CNTNAP3B: variants seen among roughly 807,000 people sequenced by gnomAD.
CNTNAP3B encodes the protein contactin associated protein family member 3B.
CNTNAP3B carries 25 observed loss-of-function variants against 108.9 expected under a neutral mutation model. The ratio of observed to expected loss-of-function variants is 0.23; its 90% CI spans 0.17 to 0.32. CNTNAP3B has a LOEUF of 0.32. Among genes scored for constraint, CNTNAP3B ranks in the 10% least tolerant of loss-of-function variants. CNTNAP3B has a pLI of 1.00. For missense variants in CNTNAP3B, 252 were observed against 1,210.4 expected (o/e 0.21, Z 11.75); for synonymous variants, 103 against 473.4 (o/e 0.22, Z 10.16).
At chr9:41,935,262 G>A (rs1223204879) in intron 14 of CNTNAP3B, among the ~76,000 whole-genome samples, 5 of 152,296 alleles carry the variant, frequency 3.3e-5, no homozygotes, top group East Asian at 1.9e-4. Flanking sequence ...ATGCTTAGAC[G>A]AGTTGCTGAT....
intron 9 of CNTNAP3B, among the ~76,000 whole-genome samples, chr9:41,982,172 T>C (rs1825642200): frequency 1.3e-5 from 1 of 77,212 alleles, no homozygotes; most frequent in Admixed American, 1.5e-4. Flanking sequence ...AAAAATTTCA[T>C]GACAAAGACA....
At chr9:41,959,499 T>C (rs565769184) in intron 12 of CNTNAP3B, among the ~76,000 whole-genome samples, 2 of 152,412 alleles carry the variant, frequency 1.3e-5, no homozygotes, top group Non-Finnish European at 2.9e-5. Flanking sequence ...CTTAAAATGA[T>C]GACAACCAAG....
intron 13 of CNTNAP3B, among the ~76,000 whole-genome samples, chr9:41,943,604 G>C (rs1188414890): frequency 1.3e-5 from 2 of 150,810 alleles, no homozygotes; most frequent in African/African-American, 4.9e-5. Context: ...CGCCCGCCTC[G>C]GCCTCCCAAA....
chr9:42,111,331 T>C (rs894127854), intron 1 of CNTNAP3B, among the ~76,000 whole-genome samples: 6 of 139,412 alleles, frequency 4.3e-5, no homozygotes, highest in Admixed American at 7.1e-5. Context: ...GTTCTGGGGA[T>C]ATAACCATAA....
At position 41,931,876 on chromosome 9, in the gene CNTNAP3B, T is replaced by C. The variant is rs1219523935; in HGVS notation, c.2238-2432A>G. Among the ~76,000 whole-genome samples the C allele has an allele frequency of 4.0e-5, 6 of 149,670 alleles. No homozygotes were observed. The East Asian group carries it at 9.7e-4, about 24-fold the overall frequency. On this transcript the variant is annotated intron_variant, in intron 14 of 23. Coordinates refer to ENST00000377561, the MANE Select transcript of CNTNAP3B (RefSeq NM_001201380.3). Reference sequence around the variant, plus strand: ...GATGCTTGTATTTTAAAAGATCTATTTCACGGGAGCTCCAAGTTTCATTCC... The same window carrying C: ...GATGCTTGTATTTTAAAAGATCTATCTCACGGGAGCTCCAAGTTTCATTCC...
chr9:42,127,028 C>G (rs527749969), intron 1 of CNTNAP3B, among the ~76,000 whole-genome samples: 1 of 138,756 alleles, frequency 7.2e-6, no homozygotes, highest in Non-Finnish European at 1.5e-5. Flanking sequence ...TGACTTTCTT[C>G]TTGGTATTGA....
chr9:42,049,212 TG>T (rs1826929436), intron 3 of CNTNAP3B, among the ~76,000 whole-genome samples: 2 of 133,324 alleles, frequency 1.5e-5, no homozygotes, highest in South Asian at 5.0e-4. Flanking sequence ...CCACCTGGGA[TG>T]GGGGCACCAT....
chr9:41,934,130 C>CACACAT lies in CNTNAP3B; in HGVS notation c.2237+4113_2237+4114insATGTGT, dbSNP rs1491259532. Among the ~76,000 whole-genome samples, 35 of 116,464 alleles carry CACACAT rather than the reference C, an allele frequency of 3.0e-4. 1 individual carries two copies. The highest frequency in any genetic ancestry group is 1.1e-3 in the East Asian group (5 of 4,590). The allele number at this position is 116,464 out of a possible 152,430, so 76.4% of individuals were successfully genotyped here. A position where few individuals can be genotyped will look rare whatever the true frequency, so the allele number is the denominator to read the frequency against. On this transcript the variant is annotated intron_variant, in intron 14 of 23. Coordinates refer to ENST00000377561, the MANE Select transcript of CNTNAP3B (RefSeq NM_001201380.3). ...ATATATATATATATATATACACACA[C>CACACAT]ATATATATATACACACACATATATA...
At chr9:42,111,805 A>T (rs1398103214) in intron 1 of CNTNAP3B, among the ~76,000 whole-genome samples, 1 of 137,996 alleles carries the variant, frequency 7.2e-6, no homozygotes, top group Admixed American at 7.2e-5. Context: ...CATGATCATC[A>T]TCTCACTGTA....
chr9:41,921,178 C>T (rs1312516554), intron 17 of CNTNAP3B, among the ~76,000 whole-genome samples: 9 of 152,286 alleles, frequency 5.9e-5, no homozygotes, highest in Admixed American at 5.9e-4. Context: ...TCATCCACCG[C>T]AATGAATGCT....
At chr9:41,937,114 T>TTATTATTATTA (rs1554739561) in intron 14 of CNTNAP3B, among the ~76,000 whole-genome samples, 2,283 of 140,854 alleles carry the variant, frequency 0.016, 22 homozygotes, top group Non-Finnish European at 0.019. Context: ...TATTTATTAA[T>TTATTATTATTA]TTATTATTAT....
intron 11 of CNTNAP3B, among the ~76,000 whole-genome samples, chr9:41,961,521 A>G (rs1587150631): frequency 6.6e-6 from 1 of 152,198 alleles, no homozygotes; most frequent in African/African-American, 2.4e-5. Flanking sequence ...AGCACATTAA[A>G]AGGCCTAAAT....
Position 42,115,433 on chromosome 9 carries a change from C to A in CNTNAP3B, c.86-10694G>T, listed in dbSNP as rs62558083. Among the ~76,000 whole-genome samples, 2 of 138,630 alleles carry A rather than the reference C, an allele frequency of 1.4e-5. 1 individual carries two copies. Among genetic ancestry groups the A allele is most frequent in the Non-Finnish European group, 3.1e-5 (2 of 64,766 alleles). 90.9% of individuals were successfully genotyped at this position (138,630 alleles called of 152,430 possible). On this transcript the variant is annotated intron_variant, in intron 1 of 23. Coordinates refer to ENST00000377561, the MANE Select transcript of CNTNAP3B (RefSeq NM_001201380.3). ...TGCCTCCTTAAGTGGGTCCCTGACC[C>A]CTGCGTAGCCTAACTGGGAGACAAC...
chr9:41,944,724 T>C (rs1587130740), intron 13 of CNTNAP3B, among the ~76,000 whole-genome samples: 1 of 152,278 alleles, frequency 6.6e-6, no homozygotes, highest in Admixed American at 6.5e-5. Context: ...AGTCTAAATA[T>C]ACCAATTAAG....
rs1232156173 is a variant in CNTNAP3B, at chr9:42,080,207, G to A, written c.197-3145C>T. Reference sequence around the variant, plus strand: ...ATCCCTCTTCTCGGCATCCCTCACAGTTTGTTAGTTTGTTGGTGTTCATGG... The same window carrying A: ...ATCCCTCTTCTCGGCATCCCTCACAATTTGTTAGTTTGTTGGTGTTCATGG... On this transcript the variant is annotated intron_variant, in intron 2 of 23. Transcript: ENST00000377561. Among the ~76,000 whole-genome samples the A allele has an allele frequency of 2.9e-5, 4 of 137,152 alleles. 1 individual carries two copies. Among genetic ancestry groups the A allele is most frequent in the African/African-American group, 5.8e-5 (2 of 34,268 alleles). 90.0% of individuals were successfully genotyped at this position (137,152 alleles called of 152,430 possible). A position where few individuals can be genotyped will look rare whatever the true frequency, so the allele number is the denominator to read the frequency against.
chr9:41,937,097 CATTT>C (rs1824180540), intron 14 of CNTNAP3B, among the ~76,000 whole-genome samples: 5 of 132,444 alleles, frequency 3.8e-5, no homozygotes, highest in African/African-American at 1.2e-4. Flanking sequence ...ATGACCATTA[CATTT>C]TTTATTTATT....
chr9:42,021,978 C>G (rs1197729433), intron 3 of CNTNAP3B, among the ~76,000 whole-genome samples: 2 of 115,984 alleles, frequency 1.7e-5, no homozygotes, highest in Non-Finnish European at 3.5e-5. Flanking sequence ...GCAAGCCAAC[C>G]GTGAGAGACA....
intron 18 of CNTNAP3B, among the ~76,000 whole-genome samples, chr9:41,916,065 T>A (rs1324207119): frequency 6.6e-6 from 1 of 151,038 alleles, no homozygotes; most frequent in East Asian, 1.9e-4. Context: ...TATAATTTGT[T>A]CTCTTTTTAA....
intron 3 of CNTNAP3B, among the ~76,000 whole-genome samples, chr9:42,035,918 G>A: frequency 7.1e-6 from 1 of 141,070 alleles, no homozygotes; most frequent in Admixed American, 7.0e-5. Flanking sequence ...GCCCAGCCTG[G>A]CCAATATGGT....
Sources: gnomAD v4.1 joint callset for allele counts (sites outside exome capture counted in the v4.1 genomes callset) on GRCh38, gnomAD v4.1.1 for gene constraint, MANE v1.5 for transcripts, NCBI Gene and HGNC (gene_info 2026-07-23, HGNC 2026-07-21) for gene names.